The following TP53BP2 variants were observed in gnomAD, a reference collection of about 807,000 sequenced individuals.
The protein encoded by TP53BP2 is tumor protein p53 binding protein 2.
TP53BP2 carries 62 observed loss-of-function variants against 126.2 expected under a neutral mutation model. That is an observed-to-expected ratio of 0.49 (90% confidence interval 0.40 to 0.61). The LOEUF is 0.61. Among genes scored for constraint, TP53BP2 ranks in the 20% least tolerant of loss-of-function variants. The pLI is 0.00. For synonymous variants in TP53BP2, 485 were observed against 502.9 expected (o/e 0.96, Z 0.48); for missense variants, 1,215 against 1,402.8 (o/e 0.87, Z 2.14).
intron 1 of TP53BP2, among the ~76,000 whole-genome samples, chr1:223,824,423 G>C (rs1571868711): frequency 6.6e-6 from 1 of 152,196 alleles, no homozygotes; most frequent in Non-Finnish European, 1.5e-5. Flanking sequence ...GGTGATTTTA[G>C]TAATTGTACT....
At chr1:223,783,711 T>G (rs960250637) in intron 17 of TP53BP2, among the ~76,000 whole-genome samples, 1 of 152,220 alleles carries the variant, frequency 6.6e-6, no homozygotes, top group Non-Finnish European at 1.5e-5. Flanking sequence ...GATATTATTT[T>G]CTTGCTTTTT....
chr1:223,799,955 A>C lies in TP53BP2; in HGVS notation c.1429T>G (p.Ser477Ala). The change falls in exon 11 of 18, where the codon TCC (serine) becomes GCC (alanine). Residue 477 changes from serine (S) to alanine (A), a missense_variant. By Grantham distance (99) the Ser-to-Ala change is moderately conservative (BLOSUM62 1). Transcript: ENST00000343537. ...TGGTTCTTCCTCAGAGTACCAAAGG[A>C]AGGTGGGGCATTGGACTGGTCTACT... is the stretch of plus-strand genomic sequence containing the variant. ...DAVDQSNAPP[S>A]FGTLRKNQSS... 1 of 1,613,034 alleles carries C rather than the reference A, an allele frequency of 6.2e-7. No homozygotes were observed. Among genetic ancestry groups the C allele is most frequent in the Non-Finnish European group, 8.5e-7 (1 of 1,179,668 alleles).
intron 2 of TP53BP2, among the ~76,000 whole-genome samples, chr1:223,816,406 AT>A (rs1007853530): frequency 1.4e-4 from 21 of 150,942 alleles, no homozygotes; most frequent in African/African-American, 3.9e-4. Flanking sequence ...TGGAATAAGA[AT>A]TTTTTTTTTA....
chr1:223,795,262 G>A (rs996030793), intron 13 of TP53BP2, among the ~76,000 whole-genome samples: 1 of 152,168 alleles, frequency 6.6e-6, no homozygotes, highest in Non-Finnish European at 1.5e-5. Context: ...TTCAGACTTC[G>A]TTGAAGGGGA....
chr1:223,823,423 G>A (rs563700923), intron 1 of TP53BP2, among the ~76,000 whole-genome samples: 5 of 152,286 alleles, frequency 3.3e-5, no homozygotes, highest in Admixed American at 1.3e-4. Context: ...TGCAACCAAA[G>A]CTGTTAACTC....
intron 14 of TP53BP2, 104 bp downstream of exon 14, chr1:223,793,199 C>A (rs566586321): frequency 5.0e-3 from 3,662 of 735,620 alleles, no homozygotes; most frequent in East Asian, 0.013. Context: ...AGCTTTAAAA[C>A]AAAATACAAG....
intron 16 of TP53BP2, 29 bp from the exon 17 acceptor site, chr1:223,784,343 A>G (rs1558086324): frequency 6.2e-7 from 1 of 1,608,066 alleles, no homozygotes; most frequent in Admixed American, 1.7e-5. Context: ...GATAAAGCAC[A>G]GAATATACAA....
intron 16 of TP53BP2, among the ~76,000 whole-genome samples, chr1:223,788,750 T>A (rs1330677975): frequency 1.3e-5 from 2 of 152,148 alleles, no homozygotes; most frequent in Non-Finnish European, 2.9e-5. Flanking sequence ...GGTCTTTTGA[T>A]GGTCAAAGTC....
chr1:223,818,388 C>T (rs751873554), intron 2 of TP53BP2: 4 of 150,990 alleles, frequency 2.6e-5, no homozygotes, highest in Non-Finnish European at 5.9e-5. Flanking sequence ...CCTGTAATCC[C>T]AACTACTCGG....
chr1:223,781,742 AT>A (rs1253757402), intron 17 of TP53BP2, among the ~76,000 whole-genome samples: 1 of 152,182 alleles, frequency 6.6e-6, no homozygotes, highest in Non-Finnish European at 1.5e-5. Flanking sequence ...AAAAAAAGAC[AT>A]TTAGCTAATA....
intron 2 of TP53BP2, among the ~76,000 whole-genome samples, chr1:223,816,379 G>A (rs1269149281): frequency 6.6e-6 from 1 of 152,030 alleles, no homozygotes; most frequent in Non-Finnish European, 1.5e-5. Flanking sequence ...AATAATAGGG[G>A]AACACATTTA....
Position 223,796,673 on chromosome 1 carries a change from T to A in TP53BP2, c.1949-83A>T. 1 of 1,299,356 alleles carries A rather than the reference T, an allele frequency of 7.7e-7. No individual in the cohort carries two copies. Among genetic ancestry groups the A allele is most frequent in the Non-Finnish European group, 1.0e-6 (1 of 957,030 alleles). The allele number at this position is 1,299,356 out of a possible 1,614,324, so 80.5% of individuals were successfully genotyped here. A position where few individuals can be genotyped will look rare whatever the true frequency, so the allele number is the denominator to read the frequency against. On this transcript the variant is annotated intron_variant, in intron 12 of 17. Coordinates refer to ENST00000343537, the MANE Select transcript of TP53BP2 (RefSeq NM_001031685.3). The surrounding 1 kb of genome is among the most constrained non-coding windows in gnomAD (Gnocchi z 4.2). ...AGAAACAGAAACAGCTAACAATAAC[T>A]AAAGCCTCTTTTAATTTCATAGTTG...
At chr1:223,785,278 C>T (rs747569774) in intron 16 of TP53BP2, among the ~76,000 whole-genome samples, 1 of 152,142 alleles carries the variant, frequency 6.6e-6, no homozygotes, top group Non-Finnish European at 1.5e-5. Context: ...ATTCCTGTAT[C>T]AACTAATGAT....
chr1:223,819,405 G>A (rs968135837), intron 2 of TP53BP2, among the ~76,000 whole-genome samples: 1 of 151,102 alleles, frequency 6.6e-6, no homozygotes, highest in Non-Finnish European at 1.5e-5. Flanking sequence ...AAAACTGAGG[G>A]GCCAGGCGCG....
intron 1 of TP53BP2, among the ~76,000 whole-genome samples, chr1:223,835,775 A>G (rs1032995451): frequency 1.3e-5 from 2 of 152,216 alleles, no homozygotes; most frequent in Non-Finnish European, 2.9e-5. Context: ...AAACACAAAG[A>G]TGAAAAGGCA....
intron 5 of TP53BP2, among the ~76,000 whole-genome samples, chr1:223,804,865 T>G (rs183435853): frequency 3.6e-4 from 55 of 152,332 alleles, no homozygotes; most frequent in African/African-American, 1.3e-3. Flanking sequence ...GTTACTATAG[T>G]GAAGATTAAA....
At chr1:223,814,028 T>C (rs757139753) in intron 3 of TP53BP2, 86 of 488,684 alleles carry the variant, frequency 1.8e-4, no homozygotes, top group Non-Finnish European at 2.7e-4. Context: ...TCCTTTCTTA[T>C]AGTTTCAACC....
In TP53BP2 at chr1:223,821,471, C is replaced by T. The variant is rs755455618; in HGVS notation, c.28-104G>A. On this transcript the variant is annotated intron_variant, in intron 1 of 17. Transcript: ENST00000343537. ...ACAAAATCTCAGTTGGAAGTGCAAA[C>T]GTACAACAGAACAGTCTGGCTGTCA... The T allele has an allele frequency of 2.2e-5, 33 of 1,467,578 alleles. No homozygotes were observed. The South Asian group carries it at 2.4e-4, about 11-fold the overall frequency. The allele number at this position is 1,467,578 out of a possible 1,614,324, so 90.9% of individuals were successfully genotyped here.
intron 1 of TP53BP2, among the ~76,000 whole-genome samples, chr1:223,843,608 T>C (rs1459100730): frequency 1.3e-5 from 2 of 152,244 alleles, no homozygotes; most frequent in Non-Finnish European, 2.9e-5. Flanking sequence ...TTTTATTTTA[T>C]GTATATTTTA....
Sources: gnomAD v4.1 joint callset for allele counts (sites outside exome capture counted in the v4.1 genomes callset) on GRCh38, gnomAD v4.1.1 for gene constraint, Gnocchi (gnomAD v3.1) non-coding constraint, MANE v1.5 for transcripts, NCBI Gene and HGNC (gene_info 2026-07-23, HGNC 2026-07-21) for gene names.